Variants in PCDH9 observed in about 807,000 individuals in gnomAD.
PCDH9 encodes protocadherin-9.
PCDH9 carries 24 observed loss-of-function variants against 70.6 expected under a neutral mutation model. The observed-to-expected ratio is 0.34, with a 90% CI of 0.25 to 0.48. The LOEUF (loss-of-function observed/expected upper bound fraction) is 0.48. Among genes scored for constraint, PCDH9 ranks in the 20% least tolerant of loss-of-function variants. The pLI is 0.99. For missense variants in PCDH9, 1,281 were observed against 1,503.6 expected, an observed-to-expected ratio of 0.85 and a Z score of 2.45; for synonymous variants, 562 against 558.5, an observed-to-expected ratio of 1.01 and a Z score of -0.09.
chr13:66,338,649 TG>T (rs145561887), intron 4 of PCDH9, among the ~76,000 whole-genome samples: 44 of 148,706 alleles, frequency 3.0e-4, no homozygotes, highest in African/African-American at 1.1e-3. Context: ...TGTAGAGGGG[TG>T]GGGGGTGGTT....
intron 3 of PCDH9, among the ~76,000 whole-genome samples, chr13:66,739,451 A>C (rs1042624159): frequency 5.3e-5 from 8 of 150,810 alleles, no homozygotes; most frequent in Non-Finnish European, 1.0e-4. Context: ...CAAAATCACC[A>C]GCTAACATCA....
At chr13:66,771,335 C>T (rs2079803674) in intron 3 of PCDH9, among the ~76,000 whole-genome samples, 1 of 152,130 alleles carries the variant, frequency 6.6e-6, no homozygotes, top group Admixed American at 6.5e-5. Flanking sequence ...TTCCTCCATT[C>T]CTCCCTTCAG....
rs1394895709 is a variant in PCDH9 at position 66,780,799 on chromosome 13, C to T, written c.3138+122705G>A. On this transcript the variant is annotated intron_variant, in intron 3 of 4. Transcript: ENST00000377865. ...GAAATTGTTTTTACTTAGCTCAGTGCTTTATCTCCAGTGCCTAGAACAGTA... is the reference window on the plus strand; with the variant it reads ...GAAATTGTTTTTACTTAGCTCAGTGTTTTATCTCCAGTGCCTAGAACAGTA... Among the ~76,000 whole-genome samples the T allele has an allele frequency of 3.9e-5, 6 of 152,256 alleles. No individual in the cohort carries two copies. In the East Asian group the frequency reaches 1.2e-3, roughly 29 times the overall value.
chr13:67,151,607 G>T (rs2087663794), intron 2 of PCDH9, among the ~76,000 whole-genome samples: 1 of 152,082 alleles, frequency 6.6e-6, no homozygotes, highest in Non-Finnish European at 1.5e-5. Context: ...TATGATTCAA[G>T]CACCTGGTTT....
intron 4 of PCDH9, among the ~76,000 whole-genome samples, chr13:66,508,672 AC>A (rs982831944): frequency 1.2e-4 from 19 of 152,200 alleles, no homozygotes; most frequent in Non-Finnish European, 2.4e-4. Flanking sequence ...ATAAAAAAAA[AC>A]AACACCAAAT....
At chr13:66,811,897 G>C (rs563100734) in intron 3 of PCDH9, among the ~76,000 whole-genome samples, 1 of 151,716 alleles carries the variant, frequency 6.6e-6, no homozygotes, top group South Asian at 2.1e-4. Flanking sequence ...AAGTAGTAAA[G>C]TATAATTAAA....
At chr13:66,681,436 A>C (rs1468140166) in intron 3 of PCDH9, among the ~76,000 whole-genome samples, 5 of 152,068 alleles carry the variant, frequency 3.3e-5, no homozygotes, top group African/African-American at 9.7e-5. Context: ...CTCCTTTTTA[A>C]AATTACAGAA....
intron 4 of PCDH9, among the ~76,000 whole-genome samples, chr13:66,333,314 GA>G (rs1955975525): frequency 6.6e-6 from 1 of 152,140 alleles, no homozygotes; most frequent in Non-Finnish European, 1.5e-5. Context: ...TGAGACATCA[GA>G]AATCTGAAAT....
intron 2 of PCDH9, among the ~76,000 whole-genome samples, chr13:67,048,288 T>C (rs1408679011): frequency 1.3e-5 from 2 of 152,154 alleles, no homozygotes; most frequent in East Asian, 1.9e-4. Context: ...TCCCCATCCA[T>C]AAATCCATCC....
chr13:66,731,445 G>T (rs1207083679), intron 3 of PCDH9, among the ~76,000 whole-genome samples: 1 of 152,074 alleles, frequency 6.6e-6, no homozygotes, highest in Non-Finnish European at 1.5e-5. Flanking sequence ...TTCTTGAATT[G>T]TGTGCTCAGA....
intron 3 of PCDH9, among the ~76,000 whole-genome samples, chr13:66,864,923 C>T (rs946497907): frequency 6.6e-6 from 1 of 152,228 alleles, no homozygotes; most frequent in African/African-American, 2.4e-5. Context: ...TTCTCAATCA[C>T]TTTGCCGTGG....
chr13:66,869,273 T>C (rs1227235867), intron 3 of PCDH9, among the ~76,000 whole-genome samples: 1 of 152,162 alleles, frequency 6.6e-6, no homozygotes, highest in Non-Finnish European at 1.5e-5. Context: ...TTTAATAGTG[T>C]CCTTGCATTA....
At chr13:66,902,865 G>C (rs1410083421) in intron 3 of PCDH9, among the ~76,000 whole-genome samples, 3 of 151,438 alleles carry the variant, frequency 2.0e-5, no homozygotes, top group African/African-American at 4.8e-5. Flanking sequence ...AGCCATACTG[G>C]AATAATTGGC....
At chr13:66,704,970 G>C (rs1227854008) in intron 3 of PCDH9, among the ~76,000 whole-genome samples, 2 of 151,722 alleles carry the variant, frequency 1.3e-5, no homozygotes, top group African/African-American at 4.9e-5. Context: ...TTTCATCAAT[G>C]CTTAAGTATA....
intron 4 of PCDH9, among the ~76,000 whole-genome samples, chr13:66,422,520 T>A (rs1434799637): frequency 6.6e-6 from 1 of 152,156 alleles, no homozygotes; most frequent in Non-Finnish European, 1.5e-5. Flanking sequence ...ACTGCACAAC[T>A]ACATGGAAAC....
At chr13:66,468,131 C>T (rs889627389) in intron 4 of PCDH9, among the ~76,000 whole-genome samples, 1 of 151,930 alleles carries the variant, frequency 6.6e-6, no homozygotes, top group South Asian at 2.1e-4. Context: ...TCCTAATTAC[C>T]TTTCTTCCCA....
At position 66,809,781 on chromosome 13, in the gene PCDH9, CA is replaced by C. The variant is rs11385936; in HGVS notation, c.3138+93722del. Among the ~76,000 whole-genome samples, 29 of 151,624 alleles carry C rather than the reference CA, an allele frequency of 1.9e-4. No homozygotes were observed. The East Asian group carries it at 2.1e-3, about 11-fold the overall frequency. ...TTCCAGCAATAGCTTTAGTACTTGG[CA>C]AAAAAAAGAGGGTGCTTAATGAATA... On this transcript the variant is annotated intron_variant, in intron 3 of 4. Transcript: ENST00000377865.
chr13:66,365,603 A>T (rs1956541183), intron 4 of PCDH9, among the ~76,000 whole-genome samples: 1 of 152,200 alleles, frequency 6.6e-6, no homozygotes, highest in African/African-American at 2.4e-5. Flanking sequence ...GCACTCTGGT[A>T]GTGATGGTTG....
chr13:66,567,032 G>A (rs2076662361), intron 4 of PCDH9, among the ~76,000 whole-genome samples: 1 of 151,922 alleles, frequency 6.6e-6, no homozygotes, highest in African/African-American at 2.4e-5. Flanking sequence ...AATATAGTGA[G>A]GGGAAAGTTC....
Sources: gnomAD v4.1 joint callset for allele counts (sites outside exome capture counted in the v4.1 genomes callset) on GRCh38, gnomAD v4.1.1 for gene constraint, MANE v1.5 for transcripts, NCBI Gene and HGNC (gene_info 2026-07-23, HGNC 2026-07-21) for gene names.